The following DMRT1 variants were observed in gnomAD, a reference collection of about 807,000 sequenced individuals.
The protein encoded by DMRT1 is doublesex- and mab-3-related transcription factor 1.
In DMRT1, 7 loss-of-function variants were observed where a neutral mutation model predicts 32.3. The observed-to-expected ratio is 0.22, with a 90% CI of 0.12 to 0.41. The LOEUF (loss-of-function observed/expected upper bound fraction) is 0.41, where lower values mean the gene tolerates loss of function less well. Among genes scored for constraint, DMRT1 ranks in the 10% least tolerant of loss-of-function variants. The pLI is 1.00. For missense variants in DMRT1, 625 were observed against 500.5 expected, an observed-to-expected ratio of 1.25 and a Z score of -2.37; for synonymous variants, 278 against 206.1, an observed-to-expected ratio of 1.35 and a Z score of -2.99.
rs1463724611 is a variant in DMRT1, at chr9:967,738, G to T, written c.968-247G>T. Among the ~76,000 whole-genome samples, 3 of 152,130 alleles carry T rather than the reference G, an allele frequency of 2.0e-5. No individual in the cohort carries two copies. In the East Asian group the frequency reaches 5.8e-4, roughly 29 times the overall value. On this transcript the variant is annotated intron_variant, in intron 4 of 4. Transcript: ENST00000382276. ...TTGTTTTTTAATGAACGTTAAACTG[G>T]AACTCTGCTATCTAGCTTACTCCTT...
chr9:956,547 G>T (rs1223629735), intron 4 of DMRT1, among the ~76,000 whole-genome samples: 5 of 145,518 alleles, frequency 3.4e-5, no homozygotes, highest in Non-Finnish European at 7.5e-5. Flanking sequence ...CTGGGAGACA[G>T]AGCAAGACCC....
At chr9:862,331 C>T (rs530133854) in intron 2 of DMRT1, among the ~76,000 whole-genome samples, 1 of 152,140 alleles carries the variant, frequency 6.6e-6, no homozygotes, top group African/African-American at 2.4e-5. Flanking sequence ...GAAACCCCGT[C>T]TCCACCGAAA....
chr9:908,849 G>T (rs1817873565), intron 3 of DMRT1, among the ~76,000 whole-genome samples: 1 of 152,012 alleles, frequency 6.6e-6, no homozygotes, highest in Non-Finnish European at 1.5e-5. Context: ...CACCTCTCCT[G>T]GGCGCATTTG....
At chr9:879,438 C>G (rs79069035) in intron 2 of DMRT1, among the ~76,000 whole-genome samples, 1 of 151,672 alleles carries the variant, frequency 6.6e-6, no homozygotes, top group African/African-American at 2.4e-5. Context: ...ATCTCTTTTA[C>G]GTTTGGCTTA....
At chr9:898,930 C>T (rs901613818) in intron 3 of DMRT1, among the ~76,000 whole-genome samples, 1 of 152,130 alleles carries the variant, frequency 6.6e-6, no homozygotes, top group Non-Finnish European at 1.5e-5. Context: ...TTTCATTTAT[C>T]TGTCTTCGGT....
chr9:865,467 A>T (rs1564207445), intron 2 of DMRT1, among the ~76,000 whole-genome samples: 1 of 152,120 alleles, frequency 6.6e-6, no homozygotes, highest in Non-Finnish European at 1.5e-5. Flanking sequence ...TATATGATAT[A>T]TATGAAATAT....
At chr9:906,097 C>T (rs372382896) in intron 3 of DMRT1, among the ~76,000 whole-genome samples, 3 of 151,946 alleles carry the variant, frequency 2.0e-5, no homozygotes, top group African/African-American at 7.3e-5. Flanking sequence ...ACAGTGGTAA[C>T]GTGATGCTTT....
chr9:903,929 T>TAC (rs994350241), intron 3 of DMRT1, among the ~76,000 whole-genome samples: 1 of 152,168 alleles, frequency 6.6e-6, no homozygotes, highest in Non-Finnish European at 1.5e-5. Flanking sequence ...TCGGAAGACT[T>TAC]GTGTAAGTCC....
chr9:911,682 G>A (rs898468060), intron 3 of DMRT1, among the ~76,000 whole-genome samples: 2 of 151,926 alleles, frequency 1.3e-5, no homozygotes, highest in African/African-American at 2.4e-5. Flanking sequence ...AGTAGAGACG[G>A]AGATTCACCA....
chr9:848,466 C>T (rs1838999266), intron 2 of DMRT1, among the ~76,000 whole-genome samples: 4 of 151,900 alleles, frequency 2.6e-5, no homozygotes, highest in African/African-American at 9.7e-5. Context: ...ATGTAATTAA[C>T]AGAGGTCAAG....
At chr9:855,660 C>A (rs944313035) in intron 2 of DMRT1, among the ~76,000 whole-genome samples, 3 of 152,236 alleles carry the variant, frequency 2.0e-5, no homozygotes, top group African/African-American at 7.2e-5. Context: ...CGCTTTTTAG[C>A]CCAGGCTAGA....
chr9:865,813 T>G (rs1815957257), intron 2 of DMRT1, among the ~76,000 whole-genome samples: 1 of 152,178 alleles, frequency 6.6e-6, no homozygotes, highest in Non-Finnish European at 1.5e-5. Flanking sequence ...CTTCTTTTTC[T>G]GTTTTGTTGA....
At chr9:859,979 C>G (rs1340624910) in intron 2 of DMRT1, among the ~76,000 whole-genome samples, 1 of 152,128 alleles carries the variant, frequency 6.6e-6, no homozygotes, top group Non-Finnish European at 1.5e-5. Flanking sequence ...CCCGTTAACT[C>G]TAGTCCTGAG....
intron 4 of DMRT1, among the ~76,000 whole-genome samples, chr9:928,838 T>G (rs1818615268): frequency 6.6e-6 from 1 of 151,536 alleles, no homozygotes; most frequent in South Asian, 2.1e-4. Context: ...TTTTATTTAT[T>G]TATTTATTTT....
chr9:890,085 G>GTTTTTTTTT (rs35228255), intron 2 of DMRT1, among the ~76,000 whole-genome samples: 7 of 103,002 alleles, frequency 6.8e-5, no homozygotes, highest in African/African-American at 2.3e-4. Context: ...CACCAAACGT[G>GTTTTTTTTT]TTTTTTTTTT....
At chr9:962,503 T>C (rs924277189) in intron 4 of DMRT1, among the ~76,000 whole-genome samples, 7 of 141,800 alleles carry the variant, frequency 4.9e-5, no homozygotes, top group African/African-American at 1.8e-4. Flanking sequence ...AGCAGGGAAT[T>C]TGGGGACCCA....
intron 4 of DMRT1, among the ~76,000 whole-genome samples, chr9:933,949 T>A (rs1403297977): frequency 6.6e-6 from 1 of 152,060 alleles, no homozygotes; most frequent in Non-Finnish European, 1.5e-5. Flanking sequence ...TGAGGAGCTG[T>A]TACTGACAGA....
intron 3 of DMRT1, among the ~76,000 whole-genome samples, chr9:901,119 A>G (rs1426171009): frequency 1.3e-5 from 2 of 151,892 alleles, no homozygotes; most frequent in Non-Finnish European, 2.9e-5. Flanking sequence ...GACTTAAGCG[A>G]TCCTCCTACC....
At chr9:927,692 GC>G (rs1176928310) in intron 4 of DMRT1, among the ~76,000 whole-genome samples, 1 of 152,214 alleles carries the variant, frequency 6.6e-6, no homozygotes, top group Non-Finnish European at 1.5e-5. Context: ...GGTTCCAAAT[GC>G]GCTTCCTGGT....
Sources: gnomAD v4.1 joint callset for allele counts (sites outside exome capture counted in the v4.1 genomes callset) on GRCh38, gnomAD v4.1.1 for gene constraint, MANE v1.5 for transcripts, NCBI Gene and HGNC (gene_info 2026-07-23, HGNC 2026-07-21) for gene names.